The following ZNF713 variants were observed in gnomAD, a reference collection of about 807,000 sequenced individuals.
ZNF713 encodes the protein zinc finger protein 713.
A neutral mutation model predicts 28.7 loss-of-function variants in ZNF713; 21 were observed. The ratio of observed to expected loss-of-function variants is 0.73; its 90% confidence interval spans 0.52 to 1.05. ZNF713 has a LOEUF of 1.05. ZNF713 is among the 50% of genes least tolerant of loss of function. ZNF713 has a pLI of 0.00. For missense variants in ZNF713, 458 were observed against 532.4 expected, an observed-to-expected ratio of 0.86 and a Z score of 1.37; for synonymous variants, 167 against 178.0, an observed-to-expected ratio of 0.94 and a Z score of 0.49.
Position 55,923,717 on chromosome 7 carries a change from G to T in ZNF713, c.307+18G>T. The T allele has an allele frequency of 1.3e-6, 2 of 1,592,218 alleles. No homozygotes were observed. The highest frequency in any genetic ancestry group is 8.6e-7 in the Non-Finnish European group (1 of 1,162,456). On this transcript the variant is annotated intron_variant, in intron 6 of 6. Coordinates refer to ENST00000429591, the MANE Select transcript of ZNF713 (RefSeq NM_182633.3). ...TCATCCAGGTAAGTGCACACTCTTG[G>T]GCACTGCTACTTAATGAGGGAAAAC... is the stretch of plus-strand genomic sequence containing the variant.
chr7:55,930,307 CA>C (rs1786185500), intron 6 of ZNF713, among the ~76,000 whole-genome samples: 1 of 152,312 alleles, frequency 6.6e-6, no homozygotes, highest in African/African-American at 2.4e-5. Flanking sequence ...TGGCAGTATA[CA>C]CCGCTGGGTC....
chr7:55,932,655 C>T (rs1249567436), intron 6 of ZNF713, among the ~76,000 whole-genome samples: 1 of 148,336 alleles, frequency 6.7e-6, no homozygotes, highest in South Asian at 2.2e-4. Context: ...GAGGCCGAGG[C>T]GGGTGGATCA....
intron 6 of ZNF713, among the ~76,000 whole-genome samples, chr7:55,936,264 C>CAA (rs5884432): frequency 0.32 from 41,436 of 130,540 alleles, 6,930 homozygotes; most frequent in African/African-American, 0.37. Flanking sequence ...GACTCTGTCC[C>CAA]AAAAAAAAAA....
rs145569653 is a variant in ZNF713, at chr7:55,901,351, A to T, written c.-582-4902A>T. On this transcript the variant is annotated intron_variant, in intron 1 of 6. Coordinates refer to ENST00000429591, the MANE Select transcript of ZNF713 (RefSeq NM_182633.3). Reference sequence around the variant, plus strand: ...CTATCATGAGAACAGCATGGAAGAGACCTGCCCCCATGATTCAGTTACCTC... The same window carrying T: ...CTATCATGAGAACAGCATGGAAGAGTCCTGCCCCCATGATTCAGTTACCTC... Among the ~76,000 whole-genome samples the T allele has an allele frequency of 3.9e-5, 6 of 152,304 alleles. No homozygotes were observed. In the East Asian group the frequency reaches 1.2e-3, roughly 29 times the overall value.
intron 2 of ZNF713, among the ~76,000 whole-genome samples, chr7:55,908,451 G>GT (rs1411449651): frequency 6.6e-6 from 1 of 152,056 alleles, no homozygotes; most frequent in Admixed American, 6.6e-5. Flanking sequence ...AACATCCGTT[G>GT]TTTTTTGACT....
rs755468744 is a variant in ZNF713, at chr7:55,939,884, G to A, written c.1210G>A (p.Gly404Arg). ...GAAACCCTATAAATGTAATGAATGC[G>A]GGAAAGCCTTTAGCCAGAGTGCACA... is the stretch of plus-strand genomic sequence containing the variant. ...GEKPYKCNECGKAFSQSAHLN... is the reference protein window; with the variant it reads ...GEKPYKCNECRKAFSQSAHLN... Residue 404 changes from glycine (G) to arginine (R), a missense_variant, in exon 7 of 7, where the codon GGG becomes AGG. Coordinates refer to ENST00000429591, the MANE Select transcript of ZNF713 (RefSeq NM_182633.3). The A allele has an allele frequency of 2.0e-5, 33 of 1,613,916 alleles. No individual in the cohort carries two copies. Among genetic ancestry groups the A allele is most frequent in the Admixed American group, 5.0e-5 (3 of 59,974 alleles).
Position 55,903,666 on chromosome 7 carries a change from TA to T in ZNF713, c.-582-2575del, listed in dbSNP as rs113130548. Among the ~76,000 whole-genome samples, 24 of 113,188 alleles carry T rather than the reference TA, an allele frequency of 2.1e-4. No homozygotes were observed. The East Asian group carries it at 4.6e-3, about 22-fold the overall frequency. 74.3% of individuals were successfully genotyped at this position (113,188 alleles called of 152,430 possible). The stretch of plus-strand genomic sequence containing the variant: ...TGGGCAACAGAGCCAGACTGTGTCT[TA>T]AAAAAAAAAAACAAAAAAAAACCTA... On this transcript the variant is annotated intron_variant, in intron 1 of 6. Coordinates refer to ENST00000429591, the MANE Select transcript of ZNF713 (RefSeq NM_182633.3).
rs1300239243 is a variant in ZNF713, at chr7:55,940,452, TA to T, written c.*448del. 1 of 986,534 alleles carries T rather than the reference TA, an allele frequency of 1.0e-6. No homozygotes were observed. Among genetic ancestry groups the T allele is most frequent in the African/African-American group, 1.7e-5 (1 of 57,242 alleles). The allele number at this position is 986,534 out of a possible 1,614,324, so 61.1% of individuals were successfully genotyped here. ...AACTTTCAATGCGTAGAAACCAAAT[TA>T]ATTTAGACCTTAAACTAGCAGCATA... On this transcript the variant is annotated 3_prime_UTR_variant, in exon 7 of 7. Coordinates refer to ENST00000429591, the MANE Select transcript of ZNF713 (RefSeq NM_182633.3).
chr7:55,905,141 G>A (rs1296597398), intron 1 of ZNF713, among the ~76,000 whole-genome samples: 1 of 152,200 alleles, frequency 6.6e-6, no homozygotes, highest in Non-Finnish European at 1.5e-5. Flanking sequence ...GGCCTCCGAA[G>A]TGGGTGACTG....
In ZNF713 at chr7:55,906,313, T is replaced by C. The variant is rs1363177138; in HGVS notation, c.-522T>C. 1 of 152,168 alleles carries C rather than the reference T, an allele frequency of 6.6e-6. No individual in the cohort carries two copies. The highest frequency in any genetic ancestry group is 2.4e-5 in the African/African-American group (1 of 41,448). The allele number at this position is 152,168 out of a possible 1,614,324, so 9.4% of individuals were successfully genotyped here. A position where few individuals can be genotyped will look rare whatever the true frequency, so the allele number is the denominator to read the frequency against. ...GACTCTCACTCACCACTGGTGTTGCTCTTTGAAAGTGGCGCTTGGCACCAG... is the reference window on the plus strand; with the variant it reads ...GACTCTCACTCACCACTGGTGTTGCCCTTTGAAAGTGGCGCTTGGCACCAG... On this transcript the variant is annotated 5_prime_UTR_variant, in exon 2 of 7. Transcript: ENST00000429591.
intron 1 of ZNF713, among the ~76,000 whole-genome samples, chr7:55,901,705 C>G (rs866151771): frequency 2.6e-5 from 4 of 152,300 alleles, no homozygotes; most frequent in Admixed American, 1.3e-4. Flanking sequence ...ACCCTCCACC[C>G]CTTGCCCAAT....
intron 6 of ZNF713, among the ~76,000 whole-genome samples, chr7:55,933,239 A>AAAT (rs775883665): frequency 1.3e-5 from 2 of 152,058 alleles, no homozygotes; most frequent in Admixed American, 6.6e-5. Context: ...CCTGCCTCAA[A>AAAT]AATAATAATA....
chr7:55,889,941 G>C (rs1266353870), intron 1 of ZNF713, among the ~76,000 whole-genome samples: 1 of 152,122 alleles, frequency 6.6e-6, no homozygotes, highest in African/African-American at 2.4e-5. Context: ...CAGAAATGTG[G>C]TATCTCACAG....
intron 6 of ZNF713, among the ~76,000 whole-genome samples, chr7:55,937,446 G>A (rs148733175): frequency 2.8e-4 from 43 of 152,186 alleles, no homozygotes; most frequent in African/African-American, 4.8e-4. Flanking sequence ...GTCGGGGAGC[G>A]GCTCAGGCAG....
At chr7:55,918,839 A>G (rs1248626964) in intron 4 of ZNF713, among the ~76,000 whole-genome samples, 1 of 152,072 alleles carries the variant, frequency 6.6e-6, no homozygotes, top group African/African-American at 2.4e-5. Flanking sequence ...CTAAAAATAC[A>G]AAAATTAGCC....
At chr7:55,919,001 A>C (rs561107279) in intron 4 of ZNF713, among the ~76,000 whole-genome samples, 2 of 151,844 alleles carry the variant, frequency 1.3e-5, no homozygotes, top group African/African-American at 4.8e-5. Flanking sequence ...CTCAAAAGAA[A>C]GAAAAAAAAA....
chr7:55,925,224 C>T (rs994505035), intron 6 of ZNF713, among the ~76,000 whole-genome samples: 2 of 152,156 alleles, frequency 1.3e-5, no homozygotes, highest in Admixed American at 1.3e-4. Context: ...CTGGCTTCAT[C>T]GTTTGGACTT....
At position 55,927,896 on chromosome 7, in the gene ZNF713, C is replaced by CAAAAAAAAAAAAA. The variant is rs71533249; in HGVS notation, c.307+4209_307+4221dup. 6.5e-4 allele frequency among the ~76,000 whole-genome samples: 29 copies of CAAAAAAAAAAAAA among 44,938 alleles called. 7 individuals are homozygous for CAAAAAAAAAAAAA. Among genetic ancestry groups the CAAAAAAAAAAAAA allele is most frequent in the East Asian group, 4.7e-3 (5 of 1,072 alleles). 29.5% of individuals were successfully genotyped at this position (44,938 alleles called of 152,430 possible). The stretch of plus-strand genomic sequence containing the variant: ...TGGGTGACAGAGCAAGACTCTGTCT[C>CAAAAAAAAAAAAA]AAAAAAAAAAAAAAAAAAAAAAAAG... On this transcript the variant is annotated intron_variant, in intron 6 of 6. Transcript: ENST00000429591.
At chr7:55,931,050 A>T (rs1480689121) in intron 6 of ZNF713, among the ~76,000 whole-genome samples, 1 of 152,126 alleles carries the variant, frequency 6.6e-6, no homozygotes, top group African/African-American at 2.4e-5. Context: ...CACTTGGGAG[A>T]CGAGGTGGGT....
Sources: allele counts gnomAD v4.1 joint callset (sites outside exome capture counted in the v4.1 genomes callset), GRCh38; gene constraint gnomAD v4.1.1; transcripts MANE v1.5; gene names NCBI Gene and HGNC (gene_info 2026-07-23, HGNC 2026-07-21).